The following DYNC1H1 variants were observed in gnomAD, a reference collection of about 807,000 sequenced individuals.
DYNC1H1 encodes the protein cytoplasmic dynein 1 heavy chain 1.
DYNC1H1 carries 51 observed loss-of-function variants against 527.1 expected under a neutral mutation model. The observed-to-expected ratio is 0.10, with a 90% CI of 0.08 to 0.12. DYNC1H1 has a LOEUF of 0.12. Among genes scored for constraint, DYNC1H1 ranks in the 10% least tolerant of loss-of-function variants. The pLI is 1.00. For synonymous variants in DYNC1H1, 2,189 were observed against 2,278.8 expected, an observed-to-expected ratio of 0.96 and a Z score of 1.12; for missense variants, 2,771 against 5,971.8, an observed-to-expected ratio of 0.46 and a Z score of 17.66.
In DYNC1H1 at chr14:101,986,227, G is replaced by A. The variant is rs1406149790; in HGVS notation, c.2002G>A (p.Val668Ile). The A allele has an allele frequency of 1.2e-6, 2 of 1,614,208 alleles. No homozygotes were observed. Among genetic ancestry groups the A allele is most frequent in the East Asian group, 2.2e-5 (1 of 44,886 alleles). Residue 668 changes from valine (V) to isoleucine (I), a missense_variant, in exon 8 of 78, where the codon GTC (valine) becomes ATC (isoleucine). Physicochemically the swap from Val to Ile is conservative, Grantham distance 29. Around this residue, in one of 32 missense-constraint regions of DYNC1H1, gnomAD observed 264 missense variants for 619.4 expected, o/e 0.43. Transcript: ENST00000360184. The surrounding 1 kb of genome is among the most constrained non-coding windows in gnomAD (Gnocchi z 8.7). ...LTAYMKRVED[V>I]LGKGWENHVE... Reference sequence around the variant, plus strand: ...GGCCTACATGAAGCGGGTGGAAGATGTCCTTGGCAAGGGCTGGGAGAATCA... The same window carrying A: ...GGCCTACATGAAGCGGGTGGAAGATATCCTTGGCAAGGGCTGGGAGAATCA...
rs1244405804 is a variant in DYNC1H1, at chr14:102,029,990, A to G, written c.9762+52A>G. ...TAAGGACTGAGCATTTTCAGTCTCC[A>G]ATGAGAGAGTAGGAAATGTAGTTCC... On this transcript the variant is annotated intron_variant, in intron 50 of 77. Transcript: ENST00000360184. The surrounding 1 kb of genome is among the most constrained non-coding windows in gnomAD (Gnocchi z 5.3). 2 of 1,613,460 alleles carry G rather than the reference A, an allele frequency of 1.2e-6. No individual in the cohort carries two copies.
intron 2 of DYNC1H1, among the ~76,000 whole-genome samples, chr14:101,976,259 C>G (rs949526623): frequency 6.6e-6 from 1 of 150,912 alleles, no homozygotes; most frequent in Non-Finnish European, 1.5e-5. Flanking sequence ...AGAAAACACT[C>G]AAGCCCGGCA....
intron 16 of DYNC1H1, among the ~76,000 whole-genome samples, chr14:101,998,766 G>A (rs2048094021): frequency 6.6e-6 from 1 of 152,194 alleles, no homozygotes; most frequent in African/African-American, 2.4e-5. Flanking sequence ...ATGAGTGCTT[G>A]CTCCAGTGGA....
intron 69 of DYNC1H1, chr14:102,043,532 A>G: frequency 2.7e-6 from 1 of 370,464 alleles, no homozygotes; most frequent in Non-Finnish European, 5.2e-6. Context: ...CGCCAAGTGA[A>G]GACCGAAACT....
At position 102,044,018 on chromosome 14, in the gene DYNC1H1, G is replaced by A; in HGVS notation, c.12657G>A (p.Val4219=). 2 of 1,614,102 alleles carry A rather than the reference G, an allele frequency of 1.2e-6. No homozygotes were observed. Among genetic ancestry groups the A allele is most frequent in the Non-Finnish European group, 1.7e-6 (2 of 1,180,050 alleles). Residue 4219 remains valine (V), a synonymous_variant, in exon 70 of 78, where the codon GTG becomes GTA. Transcript: ENST00000360184. The surrounding 1 kb of genome is among the most constrained non-coding windows in gnomAD (Gnocchi z 7.1). ...ACCTGCGGTCAGCTTGCGATACGGT[G>A]GACACGTGGCTGGATGACACGGCCA... ...ESDLRSACDT[V]DTWLDDTAKG... is the part of the protein sequence containing the mutation.
At chr14:102,019,651 G>C (rs2048362947) in intron 41 of DYNC1H1, among the ~76,000 whole-genome samples, 2 of 152,172 alleles carry the variant, frequency 1.3e-5, no homozygotes, top group African/African-American at 4.8e-5. Flanking sequence ...GCCAAGGCTG[G>C]AATGCAGTGG....
At position 102,040,624 on chromosome 14, in the gene DYNC1H1, C is replaced by T. The variant is rs757869882; in HGVS notation, c.11892C>T (p.Ser3964=). The T allele has an allele frequency of 6.2e-6, 10 of 1,614,226 alleles. No individual in the cohort carries two copies. The Admixed American group carries it at 1.7e-4, about 27-fold the overall frequency. Residue 3964 remains serine, a synonymous_variant, in exon 64 of 78, where the codon AGC becomes AGT. Coordinates refer to ENST00000360184, the MANE Select transcript of DYNC1H1 (RefSeq NM_001376.5). ...AATTTGGCATCTGGCTGGACAGCAG[C>T]TCCCCGGAGCAGACTGTGCCCTACC... ...DEQFGIWLDS[S]SPEQTVPYLW...
At chr14:102,019,581 GTTAT>G (rs2048362050) in intron 41 of DYNC1H1, among the ~76,000 whole-genome samples, 1 of 152,182 alleles carries the variant, frequency 6.6e-6, no homozygotes, top group African/African-American at 2.4e-5. Context: ...GTTCTGGACA[GTTAT>G]TTATCCAATT....
At position 102,020,456 on chromosome 14, in the gene DYNC1H1, T is replaced by C. The variant is rs2048372219; in HGVS notation, c.8507+400T>C. Among the ~76,000 whole-genome samples the C allele has an allele frequency of 2.6e-5, 4 of 152,108 alleles. No homozygotes were observed. In the South Asian group the frequency reaches 8.3e-4, roughly 32 times the overall value. On this transcript the variant is annotated intron_variant, in intron 42 of 77. Transcript: ENST00000360184. This position sits in a 1 kb window ranked among gnomAD's most constrained non-coding sequence, Gnocchi z 4.3. ...TGTGATAACCTTACCAGAGCACGGG[T>C]TCACTGCTGAGTTAAAAGGTCTCCC...
In DYNC1H1 at chr14:102,010,107, C is replaced by G. The variant is rs1567010117; in HGVS notation, c.6221+21C>G. On this transcript the variant is annotated intron_variant, in intron 30 of 77. Coordinates refer to ENST00000360184, the MANE Select transcript of DYNC1H1 (RefSeq NM_001376.5). This position sits in a 1 kb window ranked among gnomAD's most constrained non-coding sequence, Gnocchi z 6.0. Reference sequence around the variant, plus strand: ...TTTAAGTAAGTAGCCTAGAATTCTTCATAATCATGTTTCTTGCATATGTTA... The same window carrying G: ...TTTAAGTAAGTAGCCTAGAATTCTTGATAATCATGTTTCTTGCATATGTTA... 1 of 1,613,368 alleles carries G rather than the reference C, an allele frequency of 6.2e-7. No individual in the cohort carries two copies. Among genetic ancestry groups the G allele is most frequent in the Non-Finnish European group, 8.5e-7 (1 of 1,180,038 alleles).
intron 42 of DYNC1H1, among the ~76,000 whole-genome samples, chr14:102,021,981 C>A (rs2048389510): frequency 6.6e-6 from 1 of 151,936 alleles, no homozygotes; most frequent in Admixed American, 6.6e-5. Flanking sequence ...ACTAAAAATA[C>A]AAAAATTAGC....
intron 56 of DYNC1H1, 84 bp downstream of exon 56, chr14:102,034,536 AGAG>A: frequency 6.2e-7 from 1 of 1,603,234 alleles, no homozygotes; most frequent in African/African-American, 1.3e-5. Flanking sequence ...CCTTGTTTGA[AGAG>A]AGGAATAGAA....
rs1306951202 is a variant in DYNC1H1, at chr14:101,985,474, A to G, written c.1462-213A>G. Among the ~76,000 whole-genome samples the G allele has an allele frequency of 1.3e-5, 2 of 151,772 alleles. No individual in the cohort carries two copies. Among genetic ancestry groups the G allele is most frequent in the East Asian group, 1.9e-4 (1 of 5,148 alleles). On this transcript the variant is annotated intron_variant, in intron 7 of 77. Transcript: ENST00000360184. This position sits in a 1 kb window ranked among gnomAD's most constrained non-coding sequence, Gnocchi z 5.9. ...CAAGTAGCTGGGAATACAGGCATGC[A>G]CCACCATGCCTGGCAAATTGTTTGT...
At position 101,970,470 on chromosome 14, in the gene DYNC1H1, G is replaced by GTTTTTTTTTTTTTTTTTTTTTT. The variant is rs1324948272; in HGVS notation, c.257-5240_257-5239insTTTTTTTTTTTTTTTTTTTTTT. 6.2e-5 allele frequency among the ~76,000 whole-genome samples: 6 copies of GTTTTTTTTTTTTTTTTTTTTTT among 96,276 alleles called. 3 individuals are homozygous for GTTTTTTTTTTTTTTTTTTTTTT. The highest frequency in any genetic ancestry group is 1.9e-4 in the African/African-American group (4 of 21,026). 63.2% of individuals were successfully genotyped at this position (96,276 alleles called of 152,430 possible). On this transcript the variant is annotated intron_variant, in intron 1 of 77. Transcript: ENST00000360184. Reference sequence around the variant, plus strand: ...GTGGTATTAGTATGTTTGGTTTGTTGTTGTTTTTTTTTTTTTTTTTTTTTT... The same window carrying GTTTTTTTTTTTTTTTTTTTTTT: ...GTGGTATTAGTATGTTTGGTTTGTTGTTTTTTTTTTTTTTTTTTTTTTTTGTTTTTTTTTTTTTTTTTTTTTT...
In DYNC1H1 at chr14:102,006,092, G is replaced by A; in HGVS notation, c.5638G>A (p.Val1880Ile). ...GTACCTGGGTGTTCAGGACAAACTG[G>A]TCCAGACCCCCCTCACTGACCGCTG... The part of the protein sequence containing the change: ...FEYLGVQDKL[V>I]QTPLTDRCYL... The change falls in exon 27 of 78, where the codon GTC becomes ATC. Residue 1880 changes from valine (V) to isoleucine (I), a missense_variant. By Grantham distance (29) the Val-to-Ile change is conservative. Coordinates refer to ENST00000360184, the MANE Select transcript of DYNC1H1 (RefSeq NM_001376.5). 6.2e-7 allele frequency: 1 copy of A among 1,614,186 alleles called. No individual in the cohort carries two copies. The highest frequency in any genetic ancestry group is 8.5e-7 in the Non-Finnish European group (1 of 1,180,044).
Position 102,055,412 on chromosome 14 carries a change from C to CT in DYNC1H1, c.*4851dup, listed in dbSNP as rs2048866353. The CT allele has an allele frequency of 6.6e-6, 1 of 152,330 alleles. No individual in the cohort carries two copies. Among genetic ancestry groups the CT allele is most frequent in the Non-Finnish European group, 1.5e-5 (1 of 68,070 alleles). The allele number at this position is 152,330 out of a possible 1,614,324, so 9.4% of individuals were successfully genotyped here. A position where few individuals can be genotyped will look rare whatever the true frequency, so the allele number is the denominator to read the frequency against. ...GGCGATGAGACAGGATCGGCCGGTC[C>CT]TTGACAGTCTCTGAAGCTGGGAGAA... On this transcript the variant is annotated 3_prime_UTR_variant, in exon 78 of 78. Coordinates refer to ENST00000360184, the MANE Select transcript of DYNC1H1 (RefSeq NM_001376.5).
chr14:102,048,932 A>G (rs1440437615), intron 74 of DYNC1H1: 1 of 513,950 alleles, frequency 1.9e-6, no homozygotes, highest in East Asian at 3.8e-5. Flanking sequence ...GGGTCTTCCA[A>G]GACGACAGTG....
chr14:102,005,765 T>C lies in DYNC1H1; in HGVS notation c.5434-123T>C. The C allele has an allele frequency of 8.0e-7, 1 of 1,253,406 alleles. No homozygotes were observed. Among genetic ancestry groups the C allele is most frequent in the South Asian group, 1.2e-5 (1 of 80,286 alleles). 77.6% of individuals were successfully genotyped at this position (1,253,406 alleles called of 1,614,324 possible). On this transcript the variant is annotated intron_variant, in intron 26 of 77. Coordinates refer to ENST00000360184, the MANE Select transcript of DYNC1H1 (RefSeq NM_001376.5). The surrounding 1 kb of genome is among the most constrained non-coding windows in gnomAD (Gnocchi z 4.0). ...GAAAGTGAATTTGCCTTTTGGAACA[T>C]TTACTGAAAGCCATTGTAACTGGAC...
At chr14:102,022,655 T>C in intron 42 of DYNC1H1, 96 bp from the exon 43 acceptor site, 1 of 1,575,686 alleles carries the variant, frequency 6.3e-7, no homozygotes, top group Non-Finnish European at 8.7e-7. Flanking sequence ...GACTGCATCC[T>C]TTGGAAGAGC....
Sources: allele counts gnomAD v4.1 joint callset (sites outside exome capture counted in the v4.1 genomes callset), GRCh38; gene constraint gnomAD v4.1.1; regional missense constraint gnomAD v4.1.1; non-coding constraint Gnocchi (gnomAD v3.1); transcripts MANE v1.5; gene names NCBI Gene and HGNC (gene_info 2026-07-23, HGNC 2026-07-21).